DBR1: variants seen among roughly 807,000 people sequenced by gnomAD.
DBR1 encodes debranching RNA lariats 1.
In DBR1, 33 loss-of-function variants were observed where a neutral mutation model predicts 45.9. That is an observed-to-expected ratio of 0.72 (90% CI 0.55 to 0.96). DBR1 has a LOEUF of 0.96. Ranked by LOEUF, DBR1 falls within the 40% of genes least tolerant of loss-of-function variation. The pLI is 0.00. For synonymous variants in DBR1, 235 were observed against 235.9 expected, an observed-to-expected ratio of 1.00 and a Z score of 0.04; for missense variants, 619 against 667.4, an observed-to-expected ratio of 0.93 and a Z score of 0.80.
chr3:138,173,628 T>C lies in DBR1; in HGVS notation c.198-2A>G, dbSNP rs1331502903. The C allele has an allele frequency of 6.2e-7, 1 of 1,611,010 alleles. No individual in the cohort carries two copies. Among genetic ancestry groups the C allele is most frequent in the Middle Eastern group, 1.7e-4 (1 of 6,048 alleles). ...GCCTTTTTCTCTCCAGAGTAATACCTAGAACATAAGAGCAAAGTCAGTTAC... is the reference window on the plus strand; with the variant it reads ...GCCTTTTTCTCTCCAGAGTAATACCCAGAACATAAGAGCAAAGTCAGTTAC... On this transcript the variant is annotated splice_acceptor_variant, in intron 1 of 7. Coordinates refer to ENST00000260803, the MANE Select transcript of DBR1 (RefSeq NM_016216.4). LOFTEE classifies it high-confidence loss of function.
intron 2 of DBR1, among the ~76,000 whole-genome samples, chr3:138,172,711 A>G (rs964476715): frequency 4.6e-5 from 7 of 152,260 alleles, no homozygotes; most frequent in Admixed American, 4.6e-4. Context: ...AAAGGAATCC[A>G]ATCAGCTAAA....
chr3:138,167,082 T>C lies in DBR1; in HGVS notation c.713A>G (p.Gln238Arg). Residue 238 changes from glutamine (Q) to arginine (R), a missense_variant and splice_region_variant, in exon 5 of 8, where the codon CAG becomes CGG. Coordinates refer to ENST00000260803, the MANE Select transcript of DBR1 (RefSeq NM_016216.4). ...HVKFAALMQHQAKDKGQTARA... is the reference protein window; with the variant it reads ...HVKFAALMQHRAKDKGQTARA... ...AAGAATAAACATTTTGTTTTCTACC[T>C]GATGCTGCATCAAGGCGGCAAACTT... The C allele has an allele frequency of 6.2e-7, 1 of 1,613,724 alleles. No homozygotes were observed. The highest frequency in any genetic ancestry group is 8.5e-7 in the Non-Finnish European group (1 of 1,179,638).
chr3:138,171,766 G>A (rs1464774237), intron 2 of DBR1, 53 bp from the exon 3 acceptor site: 52 of 1,283,394 alleles, frequency 4.1e-5, no homozygotes, highest in Middle Eastern at 1.9e-4. Context: ...TCTCTACACC[G>A]ACTGAATAAA....
At chr3:138,171,549 T>G in intron 3 of DBR1, 84 bp downstream of exon 3, 1 of 758,156 alleles carries the variant, frequency 1.3e-6, no homozygotes, top group Non-Finnish European at 2.2e-6. Context: ...CAAAGATATA[T>G]GAAAGAGTCA....
At chr3:138,171,028 CA>C (rs1203201329) in intron 3 of DBR1, among the ~76,000 whole-genome samples, 1 of 151,884 alleles carries the variant, frequency 6.6e-6, no homozygotes, top group East Asian at 1.9e-4. Context: ...GTAAAATAAT[CA>C]AGTAAATTAT....
intron 1 of DBR1, among the ~76,000 whole-genome samples, chr3:138,174,125 A>G (rs1239026679): frequency 2.0e-5 from 3 of 152,146 alleles, no homozygotes; most frequent in African/African-American, 7.2e-5. Flanking sequence ...CGTTCAATTA[A>G]GTCAAGAACT....
rs533163832 is a variant in DBR1, at chr3:138,161,592, T to A, written c.*297A>T. On this transcript the variant is annotated 3_prime_UTR_variant, in exon 8 of 8. Coordinates refer to ENST00000260803, the MANE Select transcript of DBR1 (RefSeq NM_016216.4). Reference sequence around the variant, plus strand: ...CAGGCACAGTGGCTCACGCCTGTAATCCCAGCACTTTAGAAGGCCAAGACA... The same window carrying A: ...CAGGCACAGTGGCTCACGCCTGTAAACCCAGCACTTTAGAAGGCCAAGACA... The A allele has an allele frequency of 3.3e-6, 1 of 299,748 alleles. No homozygotes were observed. The highest frequency in any genetic ancestry group is 1.2e-3 in the Middle Eastern group (1 of 868). The allele number at this position is 299,748 out of a possible 1,614,324, so 18.6% of individuals were successfully genotyped here. A position where few individuals can be genotyped will look rare whatever the true frequency, so the allele number is the denominator to read the frequency against.
At chr3:138,170,812 C>A (rs1421785404) in intron 3 of DBR1, among the ~76,000 whole-genome samples, 1 of 152,102 alleles carries the variant, frequency 6.6e-6, no homozygotes, top group East Asian at 1.9e-4. Context: ...TTCATTCAGA[C>A]ACAATGAAAT....
intron 2 of DBR1, among the ~76,000 whole-genome samples, chr3:138,172,689 A>G (rs146327118): frequency 6.6e-6 from 1 of 152,368 alleles, no homozygotes; most frequent in Non-Finnish European, 1.5e-5. Flanking sequence ...ATTATAGGAA[A>G]TGCAAAGGAT....
chr3:138,173,059 C>A (rs971414360), intron 2 of DBR1, among the ~76,000 whole-genome samples: 6 of 143,778 alleles, frequency 4.2e-5, no homozygotes, highest in Admixed American at 1.5e-4. Flanking sequence ...GTTGGACTTG[C>A]TTTAAATACT....
intron 1 of DBR1, 83 bp downstream of exon 1, chr3:138,174,516 T>A (rs2042969641): frequency 7.3e-7 from 1 of 1,379,244 alleles, no homozygotes; most frequent in African/African-American, 1.4e-5. Context: ...AAAGACAGGA[T>A]CTAAGGGAAA....
Position 138,162,103 on chromosome 3 carries a change from G to T in DBR1, c.1421C>A (p.Ser474Tyr), listed in dbSNP as rs1442129733. The T allele has an allele frequency of 1.2e-6, 2 of 1,614,008 alleles. No homozygotes were observed. Among genetic ancestry groups the T allele is most frequent in the Non-Finnish European group, 1.7e-6 (2 of 1,180,036 alleles). Residue 474 changes from serine (S) to tyrosine (Y), a missense_variant, in exon 8 of 8, where the codon TCT (serine) becomes TAT (tyrosine). Ser to Tyr is a moderately radical substitution (Grantham distance 144). Coordinates refer to ENST00000260803, the MANE Select transcript of DBR1 (RefSeq NM_016216.4). ...CGTATCATCAGAAGATACAATCATA[G>T]AGCCTGGCAAGATCCTGACATCAGA... is the stretch of plus-strand genomic sequence containing the variant. ...SFSDVRILPG[S>Y]MIVSSDDTVD... is the part of the protein sequence containing the mutation.
chr3:138,168,642 G>A (rs745453437), intron 4 of DBR1, among the ~76,000 whole-genome samples: 1 of 151,560 alleles, frequency 6.6e-6, no homozygotes, highest in Non-Finnish European at 1.5e-5. Context: ...ATTCAAACTA[G>A]GGTAATGACT....
chr3:138,174,570 G>T (rs2042970054), intron 1 of DBR1, 29 bp downstream of exon 1: 2 of 924,254 alleles, frequency 2.2e-6, no homozygotes, highest in Non-Finnish European at 3.4e-6. Context: ...CCCCCCCACC[G>T]CCAAGTCCGG....
Position 138,162,320 on chromosome 3 carries a change from C to T in DBR1, c.1204G>A (p.Val402Met), listed in dbSNP as rs769445912. ...TCTTCTCCAGAGTCATTACTCTCCA[C>T]ATCATCCTGTTCTTCATATTCACCA... ...VCGEYEEQDDVESNDSGEDQS... is the reference protein window; with the variant it reads ...VCGEYEEQDDMESNDSGEDQS... The change falls in exon 8 of 8, where the codon GTG (valine) becomes ATG (methionine). Residue 402 changes from valine (V) to methionine (M), a missense_variant. Transcript: ENST00000260803. 1 of 1,614,224 alleles carries T rather than the reference C, an allele frequency of 6.2e-7. No individual in the cohort carries two copies. Among genetic ancestry groups the T allele is most frequent in the South Asian group, 1.1e-5 (1 of 91,086 alleles).
intron 5 of DBR1, 23 bp from the exon 6 acceptor site, chr3:138,163,881 T>A: frequency 6.4e-7 from 1 of 1,563,640 alleles, no homozygotes; most frequent in Non-Finnish European, 8.8e-7. Flanking sequence ...AATCATGATT[T>A]AAGAAAGAAT....
chr3:138,165,474 A>C (rs1224759127), intron 5 of DBR1, among the ~76,000 whole-genome samples: 1 of 152,134 alleles, frequency 6.6e-6, no homozygotes, highest in African/African-American at 2.4e-5. Flanking sequence ...TCATGCCTGT[A>C]ATCCCAGCAC....
Position 138,163,471 on chromosome 3 carries a change from G to A in DBR1, c.819C>T (p.Pro273=), listed in dbSNP as rs760122688. Residue 273 remains proline (P), a synonymous_variant, in exon 7 of 8, where the codon CCC becomes CCT. Transcript: ENST00000260803. The part of the protein sequence containing the change: ...FLQILEIEHD[P]SAPDYLEYDI... ...CATATTCCAAGTAATCAGGAGCACT[G>A]GGGTCATGTTCTATCTCTAATATCT... The A allele has an allele frequency of 8.1e-6, 13 of 1,606,110 alleles. No homozygotes were observed. The Admixed American group carries it at 8.4e-5, about 10-fold the overall frequency.
rs2042971248 is a variant in DBR1, at chr3:138,174,715, G to A, written c.81C>T (p.Gly27=). The A allele has an allele frequency of 6.2e-7, 1 of 1,612,602 alleles. No homozygotes were observed. The highest frequency in any genetic ancestry group is 1.1e-5 in the South Asian group (1 of 90,910). ...ACAGCAAGAGGTCGACAGGCCCCGG[G>A]CCGCGCCGCTCTGCCAGCGCCAGCG... ...YETLALAERR[G]PGPVDLLLCC... Residue 27 remains glycine (G), a synonymous_variant, in exon 1 of 8, where the codon GGC becomes GGT. Transcript: ENST00000260803.
Sources: gnomAD v4.1 joint callset for allele counts (sites outside exome capture counted in the v4.1 genomes callset) on GRCh38, gnomAD v4.1.1 for gene constraint, MANE v1.5 for transcripts, NCBI Gene and HGNC (gene_info 2026-07-23, HGNC 2026-07-21) for gene names.